Variants in LRP2 observed in about 807,000 individuals in gnomAD.
The protein encoded by LRP2 is LDL receptor related protein 2.
LRP2 carries 172 observed loss-of-function variants against 531.0 expected under a neutral mutation model. The ratio of observed to expected loss-of-function variants is 0.32; its 90% confidence interval spans 0.29 to 0.37. LRP2 has a LOEUF of 0.37. LRP2 is among the 10% of genes least tolerant of loss of function. The probability of loss-of-function intolerance (pLI) is 1.00; values close to 1 mark genes in which losing one functional copy is unlikely to be tolerated. For synonymous variants in LRP2, 1,992 were observed against 2,027.6 expected (o/e 0.98, Z 0.47); for missense variants, 5,167 against 5,868.3 (o/e 0.88, Z 3.90).
chr2:169,282,869 T>C lies in LRP2; in HGVS notation c.1171+4A>G, dbSNP rs1339680234. ...AGAGACACAGGTGTCCATAATTTACTCACAGGAATCATTAGCTTTGCAATA... is the reference window on the plus strand; with the variant it reads ...AGAGACACAGGTGTCCATAATTTACCCACAGGAATCATTAGCTTTGCAATA... On this transcript the variant is annotated splice_donor_region_variant and intron_variant, in intron 10 of 78. Coordinates refer to ENST00000649046, the MANE Select transcript of LRP2 (RefSeq NM_004525.3). The C allele has an allele frequency of 7.4e-6, 12 of 1,613,732 alleles. No homozygotes were observed. The highest frequency in any genetic ancestry group is 1.0e-5 in the Non-Finnish European group (12 of 1,179,664).
chr2:169,206,074 A>G lies in LRP2; in HGVS notation c.7505T>C (p.Val2502Ala), dbSNP rs1169832706. ...SMAEDGSNRTVIARVPKPRAI... is the reference protein window; with the variant it reads ...SMAEDGSNRTAIARVPKPRAI... ...TCTTGGTTTTGGAACGCGGGCTATC[A>G]CAGTGCGGTTAGACCCATCTTCAGC... The change falls in exon 40 of 79, where the codon GTG becomes GCG. Residue 2502 changes from valine (V) to alanine (A), a missense_variant. Val to Ala is a moderately conservative substitution (Grantham distance 64). This residue lies in a region of LRP2 where 1,129 missense variants were observed against 1,362.7 expected (regional missense o/e 0.83). Coordinates refer to ENST00000649046, the MANE Select transcript of LRP2 (RefSeq NM_004525.3). The G allele has an allele frequency of 1.9e-6, 3 of 1,614,214 alleles. No individual in the cohort carries two copies. The Admixed American group carries it at 5.0e-5, about 27-fold the overall frequency.
rs1687448883 is a variant in LRP2 at position 169,181,837 on chromosome 2, CAT to C, written c.9999-221_9999-220del. 1.1e-4 allele frequency among the ~76,000 whole-genome samples: 17 copies of C among 151,900 alleles called. 1 individual carries two copies. In the South Asian group the frequency reaches 3.3e-3, roughly 30 times the overall value. On this transcript the variant is annotated intron_variant, in intron 51 of 78. Transcript: ENST00000649046. ...TGTACAGAAAATGCTCACAAATAAA[CAT>C]AGTTAACTGGATTTCAGTGGCTTTG...
rs543503288 is a variant in LRP2 at position 169,267,242 on chromosome 2, T to G, written c.2320+3662A>C. 3.5e-4 allele frequency among the ~76,000 whole-genome samples: 53 copies of G among 152,164 alleles called. No homozygotes were observed. The South Asian group carries it at 8.9e-3, about 26-fold the overall frequency. Reference sequence around the variant, plus strand: ...TTTATTTTCTCAATCTAAAACTATTTAGGAAGCTTAGTAAAATCTCTGCTT... The same window carrying G: ...TTTATTTTCTCAATCTAAAACTATTGAGGAAGCTTAGTAAAATCTCTGCTT... On this transcript the variant is annotated intron_variant, in intron 16 of 78. Coordinates refer to ENST00000649046, the MANE Select transcript of LRP2 (RefSeq NM_004525.3).
chr2:169,337,138 C>T (rs565302190), intron 1 of LRP2, among the ~76,000 whole-genome samples: 51 of 152,278 alleles, frequency 3.3e-4, no homozygotes, highest in Non-Finnish European at 6.8e-4. Context: ...ACCCTGACCC[C>T]AAAAATCTGC....
intron 1 of LRP2, among the ~76,000 whole-genome samples, chr2:169,338,409 A>AAAGAAAGAAAG (rs1165724071): frequency 4.7e-4 from 47 of 100,890 alleles, no homozygotes; most frequent in Admixed American, 1.5e-3. Flanking sequence ...AGAAAGAAAG[A>AAAGAAAGAAAG]AAAGAAAAGA....
chr2:169,342,330 A>G (rs1256619791), intron 1 of LRP2, among the ~76,000 whole-genome samples: 1 of 152,200 alleles, frequency 6.6e-6, no homozygotes, highest in African/African-American at 2.4e-5. Flanking sequence ...AAAAACGGCA[A>G]CAAATAAAAG....
At chr2:169,255,463 C>T (rs1490108746) in intron 19 of LRP2, among the ~76,000 whole-genome samples, 1 of 152,082 alleles carries the variant, frequency 6.6e-6, no homozygotes, top group Non-Finnish European at 1.5e-5. Flanking sequence ...ACTGTAGTTC[C>T]CCAGAATTCA....
chr2:169,235,091 T>C (rs555385943), intron 29 of LRP2, among the ~76,000 whole-genome samples: 271 of 151,976 alleles, frequency 1.8e-3, no homozygotes, highest in Non-Finnish European at 3.2e-3. Context: ...TTGTATTTTT[T>C]TGTAGAAATG....
At chr2:169,288,298 T>A (rs182264329) in intron 9 of LRP2, among the ~76,000 whole-genome samples, 120 of 152,308 alleles carry the variant, frequency 7.9e-4, no homozygotes, top group African/African-American at 2.8e-3. Context: ...CAGTGAGATA[T>A]AAAGCTGGCA....
chr2:169,187,328 G>A (rs1687669260), intron 49 of LRP2, among the ~76,000 whole-genome samples: 1 of 152,140 alleles, frequency 6.6e-6, no homozygotes, highest in Admixed American at 6.5e-5. Flanking sequence ...TGCTTTCAAT[G>A]AGTACTGACA....
At position 169,133,824 on chromosome 2, in the gene LRP2, G is replaced by C. The variant is rs139316605; in HGVS notation, c.13621-1143C>G. 4.5e-4 allele frequency among the ~76,000 whole-genome samples: 69 copies of C among 152,162 alleles called. 1 individual carries two copies. In the East Asian group the frequency reaches 7.5e-3, roughly 17 times the overall value. The stretch of plus-strand genomic sequence containing the variant: ...CTTTCTTTACTATTCCTTTGCACCC[G>C]TCATCCCAGCCTCTCTTCACTTTCA... On this transcript the variant is annotated intron_variant, in intron 76 of 78. Coordinates refer to ENST00000649046, the MANE Select transcript of LRP2 (RefSeq NM_004525.3).
chr2:169,190,111 A>C (rs764004576), intron 48 of LRP2, among the ~76,000 whole-genome samples: 2 of 152,236 alleles, frequency 1.3e-5, no homozygotes, highest in Non-Finnish European at 2.9e-5. Flanking sequence ...TAATGCTATT[A>C]GCTATTTACC....
At position 169,174,045 on chromosome 2, in the gene LRP2, A is replaced by G; in HGVS notation, c.10888T>C (p.Cys3630Arg). ...CCCGGCCGGCAGGTCCTGCTGGCAC[A>G]GTGGGAACTGTCTTCATCTGAGTTA... is the stretch of plus-strand genomic sequence containing the variant. ...EDNSDEDSSH[C>R]ASRTCRPGQF... Residue 3630 changes from cysteine to arginine, a missense_variant, in exon 56 of 79, where the codon TGT becomes CGT. Transcript: ENST00000649046. The G allele has an allele frequency of 6.2e-7, 1 of 1,614,214 alleles. No individual in the cohort carries two copies. Among genetic ancestry groups the G allele is most frequent in the Non-Finnish European group, 8.5e-7 (1 of 1,180,040 alleles).
chr2:169,243,861 T>C lies in LRP2; in HGVS notation c.3431-339A>G, dbSNP rs139922642. ...ATGACTCTAGACCAAAGCCAAGCAA[T>C]GGAGCCCAATCAGGCAACAAAACCA... On this transcript the variant is annotated intron_variant, in intron 22 of 78. Transcript: ENST00000649046. 0.013 allele frequency among the ~76,000 whole-genome samples: 1,976 copies of C among 152,214 alleles called. 22 individuals are homozygous for C. The highest frequency in any genetic ancestry group is 0.068 in the Middle Eastern group (20 of 294).
At position 169,279,573 on chromosome 2, in the gene LRP2, C is replaced by G; in HGVS notation, c.1364G>C (p.Gly455Ala). The stretch of plus-strand genomic sequence containing the variant: ...ATTGAGAACCTCTTGGATATTTAAA[C>G]CATTAATGTCAACTGAAAAAACCTG... Reference protein sequence around the residue: ...QNKVFSVDINGLNIQEVLNVS... With the variant: ...QNKVFSVDINALNIQEVLNVS... The change falls in exon 12 of 79, where the codon GGT becomes GCT. Residue 455 changes from glycine (G) to alanine (A), a missense_variant. By Grantham distance (60) the Gly-to-Ala change is moderately conservative. Coordinates refer to ENST00000649046, the MANE Select transcript of LRP2 (RefSeq NM_004525.3). The G allele has an allele frequency of 6.2e-7, 1 of 1,612,652 alleles. No individual in the cohort carries two copies. The highest frequency in any genetic ancestry group is 8.5e-7 in the Non-Finnish European group (1 of 1,178,894).
At chr2:169,326,633 A>G (rs1303568102) in intron 1 of LRP2, among the ~76,000 whole-genome samples, 17 of 150,284 alleles carry the variant, frequency 1.1e-4, no homozygotes, top group Non-Finnish European at 1.5e-4. Context: ...CTGCCCGGCC[A>G]CCACCCCGTC....
At chr2:169,344,065 G>A (rs897612727) in intron 1 of LRP2, among the ~76,000 whole-genome samples, 20 of 152,140 alleles carry the variant, frequency 1.3e-4, no homozygotes, top group Admixed American at 2.6e-4. Context: ...GAATGCAATG[G>A]CATATTCAGG....
At chr2:169,238,419 T>C (rs1054881033) in intron 26 of LRP2, 117 bp from the exon 27 acceptor site, 8 of 749,684 alleles carry the variant, frequency 1.1e-5, no homozygotes, top group Middle Eastern at 2.9e-4. Context: ...TTCCAAACTA[T>C]AGTAAGTTGG....
chr2:169,170,139 T>C (rs114843417), intron 59 of LRP2, among the ~76,000 whole-genome samples: 1,794 of 152,284 alleles, frequency 0.012, 36 homozygotes, highest in African/African-American at 0.04. Context: ...TAAAGAGCTA[T>C]AAAAATTACT....
Sources: allele counts gnomAD v4.1 joint callset (sites outside exome capture counted in the v4.1 genomes callset), GRCh38; gene constraint gnomAD v4.1.1; regional missense constraint gnomAD v4.1.1; transcripts MANE v1.5; gene names NCBI Gene and HGNC (gene_info 2026-07-23, HGNC 2026-07-21).